TAFA1: variants seen among roughly 807,000 people sequenced by gnomAD.
The protein encoded by TAFA1 is TAFA chemokine like family member 1.
In TAFA1, 4 loss-of-function variants were observed where a neutral mutation model predicts 18.5. That is an observed-to-expected ratio of 0.22 (90% confidence interval 0.11 to 0.49). TAFA1 has a LOEUF of 0.49. TAFA1 is among the 20% of genes least tolerant of loss of function. The pLI is 0.98. For synonymous variants in TAFA1, 56 were observed against 55.2 expected, an observed-to-expected ratio of 1.01 and a Z score of -0.06; for missense variants, 147 against 169.0, an observed-to-expected ratio of 0.87 and a Z score of 0.72.
chr3:68,085,408 T>G (rs2106785585), intron 2 of TAFA1, among the ~76,000 whole-genome samples: 1 of 152,342 alleles, frequency 6.6e-6, no homozygotes, highest in Non-Finnish European at 1.5e-5. Flanking sequence ...GAGGAATAAC[T>G]TGCAGGGTTA....
intron 2 of TAFA1, among the ~76,000 whole-genome samples, chr3:68,052,543 C>T (rs939418175): frequency 5.4e-4 from 82 of 152,238 alleles, no homozygotes; most frequent in African/African-American, 1.6e-3. Flanking sequence ...TCTTGATCAG[C>T]GAACAACTTA....
chr3:68,514,556 G>C (rs1301962576), intron 3 of TAFA1, among the ~76,000 whole-genome samples: 1 of 151,922 alleles, frequency 6.6e-6, no homozygotes, highest in Non-Finnish European at 1.5e-5. Context: ...GAAATATAAG[G>C]CCAAGGCAAT....
chr3:68,159,914 A>G (rs1429851575), intron 2 of TAFA1, among the ~76,000 whole-genome samples: 1 of 152,222 alleles, frequency 6.6e-6, no homozygotes, highest in Non-Finnish European at 1.5e-5. Context: ...AGTCTTCTTA[A>G]GGGAAGAAGG....
At chr3:68,521,143 C>G (rs1183589374) in intron 3 of TAFA1, among the ~76,000 whole-genome samples, 29 of 152,198 alleles carry the variant, frequency 1.9e-4, no homozygotes, top group Admixed American at 1.9e-3. Context: ...GTCATATACG[C>G]ATTTCAGACT....
intron 2 of TAFA1, among the ~76,000 whole-genome samples, chr3:68,276,387 A>G (rs913966691): frequency 6.6e-6 from 1 of 152,168 alleles, no homozygotes; most frequent in African/African-American, 2.4e-5. Context: ...GCGACAACCC[A>G]AAATGTCTGC....
At chr3:68,122,808 ATG>A (rs554984931) in intron 2 of TAFA1, among the ~76,000 whole-genome samples, 101 of 151,394 alleles carry the variant, frequency 6.7e-4, no homozygotes, top group Non-Finnish European at 1.0e-3. Flanking sequence ...GTATATATAT[ATG>A]TGTGTGTGTG....
At chr3:68,259,914 T>C (rs1214706224) in intron 2 of TAFA1, among the ~76,000 whole-genome samples, 3 of 151,928 alleles carry the variant, frequency 2.0e-5, no homozygotes, top group Non-Finnish European at 4.4e-5. Flanking sequence ...CTTTTCCTAA[T>C]TGAATACCCT....
intron 2 of TAFA1, among the ~76,000 whole-genome samples, chr3:68,385,157 C>T (rs1014820554): frequency 7.9e-5 from 12 of 152,008 alleles, no homozygotes; most frequent in Non-Finnish European, 1.2e-4. Context: ...ATAATAGAGC[C>T]TACCTCACTG....
At chr3:68,328,907 T>G (rs1043265554) in intron 2 of TAFA1, among the ~76,000 whole-genome samples, 1 of 151,860 alleles carries the variant, frequency 6.6e-6, no homozygotes, top group African/African-American at 2.4e-5. Context: ...ATTTAAAAAA[T>G]GTTATGAAAT....
intron 2 of TAFA1, among the ~76,000 whole-genome samples, chr3:68,385,675 C>A (rs1009679621): frequency 1.3e-5 from 2 of 152,026 alleles, no homozygotes; most frequent in Non-Finnish European, 2.9e-5. Context: ...TTAAACATAT[C>A]TAGAAGCCAT....
intron 2 of TAFA1, among the ~76,000 whole-genome samples, chr3:68,156,934 C>T (rs1273533067): frequency 2.0e-5 from 3 of 152,120 alleles, no homozygotes; most frequent in Non-Finnish European, 4.4e-5. Context: ...ACTCAGATAT[C>T]CTAATTCTGT....
intron 2 of TAFA1, among the ~76,000 whole-genome samples, chr3:68,372,226 TAAG>T (rs2069721188): frequency 6.6e-6 from 1 of 152,258 alleles, no homozygotes; most frequent in Middle Eastern, 3.4e-3. Context: ...TGAAATACAA[TAAG>T]GACAGTGATG....
At chr3:68,203,691 C>T (rs1362444607) in intron 2 of TAFA1, among the ~76,000 whole-genome samples, 1 of 151,608 alleles carries the variant, frequency 6.6e-6, no homozygotes, top group Admixed American at 6.6e-5. Flanking sequence ...TCTTTTCTCA[C>T]ATGCAAAACT....
chr3:68,426,126 AG>A (rs1242975148), intron 3 of TAFA1, among the ~76,000 whole-genome samples: 1 of 151,994 alleles, frequency 6.6e-6, no homozygotes, highest in Non-Finnish European at 1.5e-5. Flanking sequence ...TGAATATAAA[AG>A]TATGCATATA....
intron 4 of TAFA1, among the ~76,000 whole-genome samples, chr3:68,543,666 T>A (rs113131007): frequency 6.6e-6 from 1 of 152,230 alleles, no homozygotes; most frequent in African/African-American, 2.4e-5. Context: ...AAGTAAGAGA[T>A]AATAAAGAAA....
chr3:68,412,336 C>G (rs1456450150), intron 2 of TAFA1, among the ~76,000 whole-genome samples: 1 of 147,012 alleles, frequency 6.8e-6, no homozygotes, highest in Admixed American at 6.8e-5. Flanking sequence ...GGGCAAGTTT[C>G]TTTTTTTTTT....
intron 3 of TAFA1, among the ~76,000 whole-genome samples, chr3:68,461,885 A>T (rs2071789120): frequency 6.6e-6 from 1 of 152,064 alleles, no homozygotes; most frequent in Non-Finnish European, 1.5e-5. Context: ...ATACCTTTGG[A>T]GAAAAGAAAC....
At chr3:68,543,880 T>C (rs1234833002) in intron 4 of TAFA1, among the ~76,000 whole-genome samples, 1 of 152,052 alleles carries the variant, frequency 6.6e-6, no homozygotes, top group Non-Finnish European at 1.5e-5. Context: ...GTGCAACAGT[T>C]TCTCACCTTG....
At chr3:68,388,389 G>A (rs1360624061) in intron 2 of TAFA1, among the ~76,000 whole-genome samples, 2 of 151,992 alleles carry the variant, frequency 1.3e-5, no homozygotes, top group African/African-American at 2.4e-5. Context: ...TTACACAGAG[G>A]CCTCAATGTG....
Sources: gnomAD v4.1 joint callset for allele counts (sites outside exome capture counted in the v4.1 genomes callset) on GRCh38, gnomAD v4.1.1 for gene constraint, MANE v1.5 for transcripts, NCBI Gene and HGNC (gene_info 2026-07-23, HGNC 2026-07-21) for gene names.